The following GSE1 variants were observed in gnomAD, a reference collection of about 807,000 sequenced individuals.
GSE1 encodes the protein Gse1 coiled-coil protein.
A neutral mutation model predicts 112.6 loss-of-function variants in GSE1; 32 were observed. The ratio of observed to expected loss-of-function variants is 0.28; its 90% CI spans 0.21 to 0.38. The LOEUF (loss-of-function observed/expected upper bound fraction) is 0.38, where lower values mean the gene tolerates loss of function less well. GSE1 is among the 10% of genes least tolerant of loss of function. GSE1 has a pLI of 1.00. For synonymous variants in GSE1, 1,115 were observed against 735.6 expected, an observed-to-expected ratio of 1.52 and a Z score of -8.35; for missense variants, 2,348 against 1,699.2, an observed-to-expected ratio of 1.38 and a Z score of -6.71.
At chr16:85,322,614 CTTTTTTT>C (rs34218941) in intron 1 of GSE1, among the ~76,000 whole-genome samples, 104 of 126,208 alleles carry the variant, frequency 8.2e-4, no homozygotes, top group South Asian at 2.6e-3. Flanking sequence ...CTCCATTTTG[CTTTTTTT>C]TTTTTTTTTT....
upstream of GSE1, among the ~76,000 whole-genome samples, chr16:85,550,974 G>A (rs917548273): frequency 5.9e-5 from 9 of 152,216 alleles, no homozygotes; most frequent in African/African-American, 1.2e-4. Flanking sequence ...ATGGCCCTGC[G>A]CTGTTGGGGC....
chr16:85,301,771 G>A (rs1053849651), intron 1 of GSE1, among the ~76,000 whole-genome samples: 8 of 152,222 alleles, frequency 5.3e-5, no homozygotes, highest in Non-Finnish European at 1.2e-4. Context: ...TCCCCAAGAG[G>A]GAGCACCCTC....
intron 1 of GSE1, 47 bp from the exon 2 acceptor site, chr16:85,633,867 C>T (rs542526858): frequency 7.0e-5 from 103 of 1,477,446 alleles, no homozygotes; most frequent in East Asian, 6.4e-4. Flanking sequence ...TGGTGCTGGG[C>T]GCTCCTGCTC....
intron 2 of GSE1, among the ~76,000 whole-genome samples, chr16:85,648,113 G>T (rs74034012): frequency 0.022 from 3,384 of 152,022 alleles, 116 homozygotes; most frequent in African/African-American, 0.074. Context: ...ATGTCCACAG[G>T]CCCTTGGTTC....
chr16:85,562,177 C>T (rs1247063951), intron 1 of GSE1, among the ~76,000 whole-genome samples: 1 of 150,822 alleles, frequency 6.6e-6, no homozygotes, highest in Non-Finnish European at 1.5e-5. Flanking sequence ...AGCTCAGAAA[C>T]TCAGCGGGGA....
At chr16:85,267,495 G>A (rs991486455) in intron 1 of GSE1, among the ~76,000 whole-genome samples, 2 of 152,068 alleles carry the variant, frequency 1.3e-5, no homozygotes, top group East Asian at 3.9e-4. Context: ...GCCTATGTGC[G>A]CACGCATGTA....
intron 2 of GSE1, among the ~76,000 whole-genome samples, chr16:85,434,742 C>T (rs915541794): frequency 4.6e-5 from 7 of 152,200 alleles, no homozygotes; most frequent in Non-Finnish European, 8.8e-5. Context: ...GGCTTGAACC[C>T]GGGAGGCAGA....
At chr16:85,456,071 C>T (rs1228245853) in intron 2 of GSE1, among the ~76,000 whole-genome samples, 1 of 152,208 alleles carries the variant, frequency 6.6e-6, no homozygotes, top group East Asian at 1.9e-4. Context: ...AGTGGCTGGC[C>T]CTCCCTCTCA....
Position 85,634,030 on chromosome 16 carries a change from G to GGCAGCCCCGCCACCA in GSE1, c.130_144dup (p.Pro44_Ser48dup). On this transcript the variant is annotated inframe_insertion, in exon 2 of 16. Coordinates refer to ENST00000253458, the MANE Select transcript of GSE1 (RefSeq NM_014615.5). Reference sequence around the variant, plus strand: ...GCTCAATGGCGCCCTGGTGCCCAGCGGCAGCCCCGCCACCAGCAGCGCGCT... The same window carrying GGCAGCCCCGCCACCA: ...GCTCAATGGCGCCCTGGTGCCCAGCGGCAGCCCCGCCACCAGCAGCCCCGCCACCAGCAGCGCGCT... 1 of 1,611,120 alleles carries GGCAGCCCCGCCACCA rather than the reference G, an allele frequency of 6.2e-7. No individual in the cohort carries two copies. The highest frequency in any genetic ancestry group is 8.5e-7 in the Non-Finnish European group (1 of 1,178,928).
chr16:85,416,720 G>A (rs955101258), intron 2 of GSE1, among the ~76,000 whole-genome samples: 11 of 152,248 alleles, frequency 7.2e-5, no homozygotes, highest in African/African-American at 9.6e-5. Flanking sequence ...ATCCACTTTC[G>A]TGGAATTACA....
intron 2 of GSE1, among the ~76,000 whole-genome samples, chr16:85,425,561 C>T (rs745648909): frequency 1.2e-4 from 18 of 152,198 alleles, no homozygotes; most frequent in African/African-American, 3.1e-4. Context: ...CACCGATGCA[C>T]GCTTTGGCGG....
chr16:85,589,584 C>T (rs1025230048), intron 1 of GSE1, among the ~76,000 whole-genome samples: 1 of 152,140 alleles, frequency 6.6e-6, no homozygotes, highest in African/African-American at 2.4e-5. Context: ...AAGCATCGTG[C>T]CTGAGCATGT....
chr16:85,445,443 G>T (rs528650025), intron 2 of GSE1, among the ~76,000 whole-genome samples: 1 of 152,210 alleles, frequency 6.6e-6, no homozygotes, highest in Non-Finnish European at 1.5e-5. Context: ...ACAGCGAGGG[G>T]GGGCGGCCAG....
rs938293584 is a variant in GSE1, at chr16:85,676,093, T to C, written c.*3554T>C. On this transcript the variant is annotated 3_prime_UTR_variant, in exon 16 of 16. Coordinates refer to ENST00000253458, the MANE Select transcript of GSE1 (RefSeq NM_014615.5). ...TAAACCTGTTCTAAGTGTACTTGTT[T>C]GAATTAATTGTATTGTAATATTATT... 6.5e-6 allele frequency: 1 copy of C among 152,680 alleles called. No individual in the cohort carries two copies. Among genetic ancestry groups the C allele is most frequent in the African/African-American group, 2.4e-5 (1 of 41,470 alleles). 9.5% of individuals were successfully genotyped at this position (152,680 alleles called of 1,614,324 possible).
At chr16:85,482,977 C>CAAAAAAAAAAAAAAAAAAAAAAAA (rs3054201) in intron 2 of GSE1, among the ~76,000 whole-genome samples, 4 of 48,268 alleles carry the variant, frequency 8.3e-5, no homozygotes, top group African/African-American at 2.8e-4. Flanking sequence ...GACTCCGTCT[C>CAAAAAAAAAAAAAAAAAAAAAAAA]AAAAAAAAAA....
At chr16:85,621,382 G>A (rs986730588) in intron 1 of GSE1, among the ~76,000 whole-genome samples, 7 of 152,278 alleles carry the variant, frequency 4.6e-5, no homozygotes, top group African/African-American at 1.4e-4. Flanking sequence ...GTGCTGGGGT[G>A]TGCAGGGAGT....
upstream of GSE1, among the ~76,000 whole-genome samples, chr16:85,612,956 CG>C (rs1296750598): frequency 1.3e-5 from 2 of 152,192 alleles, no homozygotes; most frequent in Admixed American, 6.5e-5. Context: ...CCAAGGTCCC[CG>C]GGACCCCCGA....
At chr16:85,637,447 TC>T (rs913946169) in intron 2 of GSE1, among the ~76,000 whole-genome samples, 2 of 152,204 alleles carry the variant, frequency 1.3e-5, no homozygotes, top group African/African-American at 4.8e-5. Flanking sequence ...CCCACCTTCA[TC>T]ATGGCAGTGG....
At chr16:85,430,921 G>A (rs963819059) in intron 2 of GSE1, among the ~76,000 whole-genome samples, 1 of 152,218 alleles carries the variant, frequency 6.6e-6, no homozygotes, top group Non-Finnish European at 1.5e-5. Flanking sequence ...TTCCCACCCA[G>A]CTCCCAGGAG....
Sources: gnomAD v4.1 joint callset for allele counts (sites outside exome capture counted in the v4.1 genomes callset) on GRCh38, gnomAD v4.1.1 for gene constraint, MANE v1.5 for transcripts, NCBI Gene and HGNC (gene_info 2026-07-23, HGNC 2026-07-21) for gene names.